Variants in PAN3 observed in about 807,000 individuals in gnomAD.
PAN3 encodes PAN2-PAN3 deadenylation complex subunit PAN3.
A neutral mutation model predicts 96.2 loss-of-function variants in PAN3; 19 were observed. The observed-to-expected ratio is 0.20, with a 90% CI of 0.14 to 0.29. The LOEUF (loss-of-function observed/expected upper bound fraction) is 0.29. Among genes scored for constraint, PAN3 ranks in the 10% least tolerant of loss-of-function variants. The pLI, the probability that PAN3 is intolerant of heterozygous loss-of-function variation, is 1.00. For synonymous variants in PAN3, 433 were observed against 406.6 expected, an observed-to-expected ratio of 1.06 and a Z score of -0.78; for missense variants, 882 against 1,108.1, an observed-to-expected ratio of 0.80 and a Z score of 2.90.
rs769979515 is a variant in PAN3, at chr13:28,220,345, A to G, written c.967A>G (p.Met323Val). The G allele has an allele frequency of 6.2e-6, 10 of 1,613,630 alleles. No individual in the cohort carries two copies. In the Admixed American group the frequency reaches 6.7e-5, roughly 11 times the overall value. Residue 323 changes from methionine to valine, a missense_variant, in exon 6 of 19, where the codon ATG becomes GTG. By Grantham distance (21) the Met-to-Val change is conservative. Transcript: ENST00000380958. The stretch of plus-strand genomic sequence containing the variant: ...CTCTCAAGTTTTCTCTCACCCATCC[A>G]TGGGAAGCCCTGCTACTGCTGGATT... ...AFSQVFSHPS[M>V]GSPATAGLAP...
At chr13:28,244,189 G>A (rs938272379) in intron 6 of PAN3, among the ~76,000 whole-genome samples, 1 of 152,116 alleles carries the variant, frequency 6.6e-6, no homozygotes, top group African/African-American at 2.4e-5. Context: ...CCTTTATTAA[G>A]TGTTGCAGGT....
intron 4 of PAN3, among the ~76,000 whole-genome samples, chr13:28,184,326 G>C (rs1432881967): frequency 2.6e-5 from 4 of 151,446 alleles, no homozygotes; most frequent in Non-Finnish European, 5.9e-5. Flanking sequence ...TACATCAACA[G>C]TTCTTTGGGA....
chr13:28,257,680 TAAA>T (rs1378639732), intron 7 of PAN3, among the ~76,000 whole-genome samples: 1 of 139,246 alleles, frequency 7.2e-6, no homozygotes, highest in Non-Finnish European at 1.6e-5. Context: ...GTAAAGTTAT[TAAA>T]TTATATAAAT....
intron 1 of PAN3, among the ~76,000 whole-genome samples, chr13:28,152,146 A>G (rs553693762): frequency 4.6e-5 from 7 of 152,324 alleles, no homozygotes; most frequent in South Asian, 2.1e-4. Flanking sequence ...TGCATACACT[A>G]TCCCATCACA....
chr13:28,176,656 C>G, intron 3 of PAN3, 97 bp downstream of exon 3: 1 of 1,175,376 alleles, frequency 8.5e-7, no homozygotes, highest in Admixed American at 2.1e-5. Flanking sequence ...AAATTGTAAA[C>G]GGGCATAAAG....
intron 17 of PAN3, among the ~76,000 whole-genome samples, chr13:28,283,021 T>G (rs1868482678): frequency 6.6e-6 from 1 of 152,122 alleles, no homozygotes; most frequent in Admixed American, 6.5e-5. Context: ...TGTGAATGCA[T>G]ACTAAATTCT....
At chr13:28,212,860 C>T (rs553497909) in intron 5 of PAN3, among the ~76,000 whole-genome samples, 1 of 152,202 alleles carries the variant, frequency 6.6e-6, no homozygotes, top group East Asian at 1.9e-4. Context: ...ATTGGAGTTC[C>T]TGATGGGGCT....
intron 6 of PAN3, among the ~76,000 whole-genome samples, chr13:28,245,500 T>A (rs1281030569): frequency 6.6e-6 from 1 of 152,092 alleles, no homozygotes; most frequent in African/African-American, 2.4e-5. Flanking sequence ...AAGCAGTGAT[T>A]TGAATATTAA....
At chr13:28,164,202 A>T (rs542310964) in intron 1 of PAN3, among the ~76,000 whole-genome samples, 2 of 152,338 alleles carry the variant, frequency 1.3e-5, no homozygotes, top group Non-Finnish European at 2.9e-5. Flanking sequence ...ACAGTTTTTT[A>T]AAATAACTTT....
chr13:28,227,375 G>A (rs1882110603), intron 6 of PAN3, among the ~76,000 whole-genome samples: 1 of 152,096 alleles, frequency 6.6e-6, no homozygotes, highest in South Asian at 2.1e-4. Flanking sequence ...TGGCTATTTT[G>A]TCCCATAATT....
intron 1 of PAN3, among the ~76,000 whole-genome samples, chr13:28,171,697 C>G (rs1874323425): frequency 6.6e-6 from 1 of 152,172 alleles, no homozygotes; most frequent in Non-Finnish European, 1.5e-5. Context: ...CCTCCTGGCT[C>G]ATAAATGTGT....
At chr13:28,182,096 C>T (rs939543564) in intron 4 of PAN3, among the ~76,000 whole-genome samples, 2 of 152,094 alleles carry the variant, frequency 1.3e-5, no homozygotes, top group Non-Finnish European at 2.9e-5. Flanking sequence ...TTAAAATTTC[C>T]AATGAGAAAT....
chr13:28,267,159 A>G lies in PAN3; in HGVS notation c.1638A>G (p.Ser546=), dbSNP rs1242734446. The G allele has an allele frequency of 6.2e-6, 10 of 1,613,028 alleles. No homozygotes were observed. In the African/African-American group the frequency reaches 1.1e-4, roughly 17 times the overall value. The change falls in exon 11 of 19, where the codon TCA becomes TCG. Residue 546 remains serine, a synonymous_variant. Coordinates refer to ENST00000380958, the MANE Select transcript of PAN3 (RefSeq NM_175854.8). ...ACATGTGGAAGAAAATTCAACACTC[A>G]AATATCGTAACTTTGCGTGAAGTAT... ...LVDMWKKIQH[S]NIVTLREVFT...
rs774631352 is a variant in PAN3, at chr13:28,138,937, C to A, written c.280C>A (p.Pro94Thr). The change falls in exon 1 of 19, where the codon CCC (proline) becomes ACC (threonine). Residue 94 changes from proline (P) to threonine (T), a missense_variant. By Grantham distance (38) the Pro-to-Thr change is conservative. Around this residue, in one of 3 missense-constraint regions of PAN3, gnomAD observed 442 missense variants for 422.8 expected, o/e 1.05. Transcript: ENST00000380958. The stretch of plus-strand genomic sequence containing the variant: ...CGTCCCCCTGGCTCTGGCTGGTGCA[C>A]CCGTGGCCGGCTTTCCGCCGGGAGC... ...NSVPLALAGA[P>T]VAGFPPGAVA... 1 of 1,338,644 alleles carries A rather than the reference C, an allele frequency of 7.5e-7. No individual in the cohort carries two copies. Among genetic ancestry groups the A allele is most frequent in the Non-Finnish European group, 9.6e-7 (1 of 1,046,824 alleles). 82.9% of individuals were successfully genotyped at this position (1,338,644 alleles called of 1,614,324 possible).
intron 1 of PAN3, among the ~76,000 whole-genome samples, chr13:28,146,650 C>T (rs9582001): frequency 0.025 from 3,773 of 152,182 alleles, 66 homozygotes; most frequent in Non-Finnish European, 0.037. Context: ...ATACTTTAGG[C>T]AGTGGTATAC....
At chr13:28,268,536 A>T (rs938787656) in intron 12 of PAN3, among the ~76,000 whole-genome samples, 1 of 152,210 alleles carries the variant, frequency 6.6e-6, no homozygotes, top group African/African-American at 2.4e-5. Flanking sequence ...TTGAATTCTA[A>T]CAAATGTGTG....
chr13:28,139,856 A>C (rs1342226471), intron 1 of PAN3, among the ~76,000 whole-genome samples: 2 of 152,088 alleles, frequency 1.3e-5, no homozygotes, highest in Non-Finnish European at 2.9e-5. Flanking sequence ...TCTTGAATGC[A>C]TGTCATGTGC....
intron 5 of PAN3, among the ~76,000 whole-genome samples, chr13:28,199,166 C>G (rs952924146): frequency 6.6e-6 from 1 of 151,822 alleles, no homozygotes; most frequent in African/African-American, 2.4e-5. Context: ...AAAAGAAGGT[C>G]TGAAGAAAAA....
intron 6 of PAN3, among the ~76,000 whole-genome samples, chr13:28,249,345 T>A (rs1030632376): frequency 2.6e-5 from 4 of 152,244 alleles, no homozygotes; most frequent in African/African-American, 9.6e-5. Context: ...TGTTATATAT[T>A]ATGTTTCTGT....
Sources: gnomAD v4.1 joint callset for allele counts (sites outside exome capture counted in the v4.1 genomes callset) on GRCh38, gnomAD v4.1.1 for gene constraint, gnomAD v4.1.1 regional missense constraint, MANE v1.5 for transcripts, NCBI Gene and HGNC (gene_info 2026-07-23, HGNC 2026-07-21) for gene names.